Variants in LRP1B observed in about 807,000 individuals in gnomAD.
The protein encoded by LRP1B is LDL receptor related protein 1B.
LRP1B carries 217 observed loss-of-function variants against 556.6 expected under a neutral mutation model. The observed-to-expected ratio is 0.39, with a 90% CI of 0.35 to 0.44. The LOEUF is 0.44. LRP1B is among the 20% of genes least tolerant of loss of function. LRP1B has a pLI of 1.00. For missense variants in LRP1B, 5,053 were observed against 5,620.8 expected (o/e 0.90, Z 3.23); for synonymous variants, 2,047 against 1,865.8 (o/e 1.10, Z -2.50).
At chr2:140,572,527 T>C (rs2105109854) in intron 43 of LRP1B, among the ~76,000 whole-genome samples, 1 of 151,642 alleles carries the variant, frequency 6.6e-6, no homozygotes, top group South Asian at 2.1e-4. Flanking sequence ...TCATATACTG[T>C]TGGTGGGAAC....
intron 62 of LRP1B, among the ~76,000 whole-genome samples, chr2:140,451,841 T>A (rs1226180805): frequency 6.6e-6 from 1 of 151,968 alleles, no homozygotes; most frequent in Non-Finnish European, 1.5e-5. Context: ...TTCTCCAGAT[T>A]ACCTAAAAAA....
At chr2:140,515,086 T>C (rs1574027425) in intron 50 of LRP1B, among the ~76,000 whole-genome samples, 1 of 152,070 alleles carries the variant, frequency 6.6e-6, no homozygotes, top group Admixed American at 6.6e-5. Context: ...GTGTAATGCA[T>C]AGATATAAAA....
At chr2:141,395,201 C>G (rs879808893) in intron 3 of LRP1B, among the ~76,000 whole-genome samples, 1 of 151,970 alleles carries the variant, frequency 6.6e-6, no homozygotes, top group South Asian at 2.1e-4. Flanking sequence ...GTTCAAGGAC[C>G]TCACATTAAC....
intron 1 of LRP1B, among the ~76,000 whole-genome samples, chr2:141,946,508 G>A (rs1700959278): frequency 6.6e-6 from 1 of 152,150 alleles, no homozygotes; most frequent in Admixed American, 6.5e-5. Context: ...GGGAAACAGA[G>A]TGAAAAATAA....
chr2:140,327,924 C>T (rs1680576867), intron 79 of LRP1B, among the ~76,000 whole-genome samples: 1 of 151,648 alleles, frequency 6.6e-6, no homozygotes, highest in African/African-American at 2.4e-5. Flanking sequence ...ATTTATACTC[C>T]AAAAATCCAC....
chr2:140,271,734 G>A (rs1384121461), intron 85 of LRP1B, among the ~76,000 whole-genome samples: 1 of 151,886 alleles, frequency 6.6e-6, no homozygotes, highest in Non-Finnish European at 1.5e-5. Context: ...GTGGTCTCAA[G>A]TTTGTACAGA....
At chr2:141,693,684 A>G (rs1691628358) in intron 2 of LRP1B, among the ~76,000 whole-genome samples, 1 of 152,012 alleles carries the variant, frequency 6.6e-6, no homozygotes, top group African/African-American at 2.4e-5. Context: ...CAGACAGATC[A>G]TTTGTTTATT....
chr2:141,742,445 G>A (rs1028613464), intron 2 of LRP1B, among the ~76,000 whole-genome samples: 1 of 151,756 alleles, frequency 6.6e-6, no homozygotes, highest in Non-Finnish European at 1.5e-5. Context: ...GTAGAGGCAG[G>A]GTATCATCAT....
chr2:142,000,828 A>G (rs1387105937), intron 1 of LRP1B, among the ~76,000 whole-genome samples: 1 of 152,150 alleles, frequency 6.6e-6, no homozygotes, highest in Non-Finnish European at 1.5e-5. Context: ...TCACCCAAAT[A>G]TTGAGAGAGA....
chr2:141,499,202 T>C (rs1683624468), intron 2 of LRP1B, among the ~76,000 whole-genome samples: 1 of 152,092 alleles, frequency 6.6e-6, no homozygotes, highest in East Asian at 1.9e-4. Context: ...GAGTCACACT[T>C]GTTATTTTCA....
intron 71 of LRP1B, among the ~76,000 whole-genome samples, chr2:140,366,253 A>G (rs544519933): frequency 6.6e-6 from 1 of 151,846 alleles, no homozygotes; most frequent in South Asian, 2.1e-4. Flanking sequence ...AAAACTCCTC[A>G]GGACCTGATG....
intron 1 of LRP1B, among the ~76,000 whole-genome samples, chr2:141,811,939 T>A (rs1370326): frequency 2.6e-5 from 4 of 152,270 alleles, no homozygotes; most frequent in Non-Finnish European, 5.9e-5. Context: ...GGGATGTCTG[T>A]ATTCCTCTAA....
chr2:140,522,906 CA>C (rs1690246208), intron 49 of LRP1B, among the ~76,000 whole-genome samples: 1 of 151,766 alleles, frequency 6.6e-6, no homozygotes, highest in Non-Finnish European at 1.5e-5. Flanking sequence ...AAAAAATATA[CA>C]AATAAAAAAA....
At chr2:140,282,598 C>T (rs1346451840) in intron 84 of LRP1B, among the ~76,000 whole-genome samples, 1 of 151,652 alleles carries the variant, frequency 6.6e-6, no homozygotes, top group Non-Finnish European at 1.5e-5. Context: ...ATCTTAGGAC[C>T]TACCCAGCAG....
intron 41 of LRP1B, among the ~76,000 whole-genome samples, chr2:140,662,787 C>T (rs1685141860): frequency 6.6e-6 from 1 of 152,038 alleles, no homozygotes; most frequent in African/African-American, 2.4e-5. Flanking sequence ...AATACAAAGT[C>T]TCAGAGGAAA....
At chr2:140,871,299 T>A (rs2105162429) in intron 25 of LRP1B, among the ~76,000 whole-genome samples, 1 of 152,278 alleles carries the variant, frequency 6.6e-6, no homozygotes, top group African/African-American at 2.4e-5. Flanking sequence ...ACAGAATGAT[T>A]AGCACAGAGA....
intron 2 of LRP1B, among the ~76,000 whole-genome samples, chr2:141,580,299 T>C (rs549332001): frequency 6.6e-6 from 1 of 152,176 alleles, no homozygotes; most frequent in Non-Finnish European, 1.5e-5. Flanking sequence ...TGATAAAGAT[T>C]ACAAACTCAT....
At chr2:141,380,066 G>A (rs377231645) in intron 3 of LRP1B, among the ~76,000 whole-genome samples, 6 of 152,078 alleles carry the variant, frequency 3.9e-5, no homozygotes, top group Admixed American at 1.3e-4. Flanking sequence ...CTGATTTTTC[G>A]TGCTACTGTT....
intron 1 of LRP1B, among the ~76,000 whole-genome samples, chr2:142,009,048 T>C (rs1421272977): frequency 6.6e-6 from 1 of 152,122 alleles, no homozygotes; most frequent in East Asian, 1.9e-4. Context: ...TTAAAGAGCA[T>C]TCCTGGACAC....
Sources: allele counts gnomAD v4.1 joint callset (sites outside exome capture counted in the v4.1 genomes callset), GRCh38; gene constraint gnomAD v4.1.1; transcripts MANE v1.5; gene names NCBI Gene and HGNC (gene_info 2026-07-23, HGNC 2026-07-21).